The following PLXNB1 variants were observed in gnomAD, a reference collection of about 807,000 sequenced individuals.
PLXNB1 encodes plexin-B1.
Under a neutral mutation model 209.4 loss-of-function variants are expected in PLXNB1, and 106 were observed. The observed-to-expected ratio is 0.51, with a 90% CI of 0.43 to 0.59. PLXNB1 has a LOEUF of 0.59. PLXNB1 is among the 20% of genes least tolerant of loss of function. The probability of loss-of-function intolerance (pLI) is 0.00; values close to 1 mark genes in which losing one functional copy is unlikely to be tolerated. For synonymous variants in PLXNB1, 1,167 were observed against 1,183.2 expected (o/e 0.99, Z 0.28); for missense variants, 2,357 against 2,853.2 (o/e 0.83, Z 3.96).
At chr3:48,427,813 A>C (rs1255774428) in intron 1 of PLXNB1, among the ~76,000 whole-genome samples, 3 of 152,298 alleles carry the variant, frequency 2.0e-5, no homozygotes, top group Non-Finnish European at 2.9e-5. Flanking sequence ...GCTCCTGAGG[A>C]GGCCGCTGCA....
At position 48,418,222 on chromosome 3, in the gene PLXNB1, G is replaced by A; in HGVS notation, c.3191C>T (p.Ala1064Val). 2 of 1,612,130 alleles carry A rather than the reference G, an allele frequency of 1.2e-6. No homozygotes were observed. The highest frequency in any genetic ancestry group is 1.3e-5 in the African/African-American group (1 of 74,992). The change falls in exon 15 of 38, where the codon GCC becomes GTC. Residue 1064 changes from alanine to valine, a missense_variant. Ala to Val is a moderately conservative substitution (Grantham distance 64). Transcript: ENST00000296440. This position sits in a 1 kb window ranked among gnomAD's most constrained non-coding sequence, Gnocchi z 6.6. Reference protein sequence around the residue: ...REACGEAEAVATQCPAPLIHS... With the variant: ...REACGEAEAVVTQCPAPLIHS... ...GATGAGGGGCGCTGGGCACTGGGTG[G>A]CCACAGCCTCAGCCTCACCACAGGC...
rs1371870140 is a variant in PLXNB1, at chr3:48,418,597, G to C, written c.2956-55C>G. 7 of 1,452,196 alleles carry C rather than the reference G, an allele frequency of 4.8e-6. No individual in the cohort carries two copies. The highest frequency in any genetic ancestry group is 6.6e-6 in the Non-Finnish European group (7 of 1,055,814). The allele number at this position is 1,452,196 out of a possible 1,614,324, so 90.0% of individuals were successfully genotyped here. A position where few individuals can be genotyped will look rare whatever the true frequency, so the allele number is the denominator to read the frequency against. On this transcript the variant is annotated intron_variant, in intron 13 of 37. Coordinates refer to ENST00000296440, the MANE Select transcript of PLXNB1 (RefSeq NM_001130082.3). This position sits in a 1 kb window ranked among gnomAD's most constrained non-coding sequence, Gnocchi z 6.6. ...AGCACTGGGGGAAGTGTCAGGCCTG[G>C]GGAGGGGTTAGTCAGAGAAAGGACT...
At chr3:48,412,080 G>T (rs2037719956) in intron 27 of PLXNB1, 71 bp from the exon 28 acceptor site, 1 of 1,560,764 alleles carries the variant, frequency 6.4e-7, no homozygotes, top group African/African-American at 1.4e-5. Flanking sequence ...GCACACTGGG[G>T]AAGGGGACAG....
rs891344342 is a variant in PLXNB1, at chr3:48,415,574, G to A, written c.3794+9C>T. 1.3e-6 allele frequency: 2 copies of A among 1,565,330 alleles called. No homozygotes were observed. The highest frequency in any genetic ancestry group is 1.9e-5 in the Admixed American group (1 of 53,314). The stretch of plus-strand genomic sequence containing the variant: ...CACCTGCCATGCAGCCACACCCCTG[G>A]CCCAACACCTGAGGAAGCTCTTGGT... On this transcript the variant is annotated intron_variant, in intron 19 of 37. Transcript: ENST00000296440. The surrounding 1 kb of genome is among the most constrained non-coding windows in gnomAD (Gnocchi z 5.0).
upstream of PLXNB1, chr3:48,430,139 A>C (rs1251388776): frequency 1.3e-5 from 2 of 152,578 alleles, no homozygotes; most frequent in African/African-American, 4.8e-5. Context: ...CTGTTTGAGA[A>C]GAGCATGGGC....
rs747973804 is a variant in PLXNB1, at chr3:48,404,546, C to T, written c.6348G>A (p.Gln2116=). The change falls in exon 38 of 38, where the codon CAG becomes CAA. Residue 2116 remains glutamine (Q), a synonymous_variant. Coordinates refer to ENST00000296440, the MANE Select transcript of PLXNB1 (RefSeq NM_001130082.3). ...LEEDGTAQKM[Q]LGYRLQQIAA... is the part of the protein sequence containing the mutation. ...CAATCTGCTGGAGCCGATAGCCCAG[C>T]TGCATCTTCTGGGCCGTGCCATCCT... is the stretch of plus-strand genomic sequence containing the variant. The T allele has an allele frequency of 6.2e-7, 1 of 1,613,864 alleles. No individual in the cohort carries two copies. The highest frequency in any genetic ancestry group is 8.5e-7 in the Non-Finnish European group (1 of 1,179,806).
Position 48,423,862 on chromosome 3 carries a change from T to C in PLXNB1, c.750A>G (p.Arg250=), listed in dbSNP as rs748241081. The C allele has an allele frequency of 6.2e-7, 1 of 1,613,666 alleles. No individual in the cohort carries two copies. Among genetic ancestry groups the C allele is most frequent in the Non-Finnish European group, 8.5e-7 (1 of 1,179,946 alleles). Residue 250 remains arginine (R), a synonymous_variant, in exon 3 of 38, where the codon CGA becomes CGG. Coordinates refer to ENST00000296440, the MANE Select transcript of PLXNB1 (RefSeq NM_001130082.3). The part of the protein sequence containing the change: ...QSRAFRAYVS[R]VCLRDQHYYS... ...AGTAGTGCTGGTCCCGGAGACACAC[T>C]CGAGATACATAGGCACGAAAAGCTC...
chr3:48,422,890 G>A lies in PLXNB1; in HGVS notation c.1165C>T (p.Arg389Trp), dbSNP rs34050056. 2.3e-5 allele frequency: 37 copies of A among 1,614,110 alleles called. No individual in the cohort carries two copies. Among genetic ancestry groups the A allele is most frequent in the East Asian group, 8.9e-5 (4 of 44,876 alleles). The change falls in exon 4 of 38, where the codon CGG becomes TGG. Residue 389 changes from arginine to tryptophan, a missense_variant. Physicochemically the swap from Arg to Trp is moderately radical, Grantham distance 101. Transcript: ENST00000296440. Reference sequence around the variant, plus strand: ...ATTGGTGTGGCTTCCAGCGGGACCCGGCTGGCCATGGGGCTGGGCGTGTGG... The same window carrying A: ...ATTGGTGTGGCTTCCAGCGGGACCCAGCTGGCCATGGGGCTGGGCGTGTGG... ...SDHTPSPMAS[R>W]VPLEATPILE...
chr3:48,422,439 G>A lies in PLXNB1; in HGVS notation c.1311C>T (p.Ser437=). The A allele has an allele frequency of 3.1e-6, 5 of 1,592,906 alleles. No individual in the cohort carries two copies. The highest frequency in any genetic ancestry group is 1.7e-5 in the Admixed American group (1 of 57,430). ...TCTGTGTGGAGTATGGGTGGCCATC[G>A]CTCCCTGGGCCCAAGTAGACCTGGG... The part of the protein sequence containing the change: ...QLHRVYLGPG[S]DGHPYSTQSI... Residue 437 remains serine, a synonymous_variant, in exon 5 of 38, where the codon AGC becomes AGT. Transcript: ENST00000296440.
In PLXNB1 at chr3:48,416,388, C is replaced by T. The variant is rs148957255; in HGVS notation, c.3438G>A (p.Pro1146=). The change falls in exon 17 of 38, where the codon CCG becomes CCA. Residue 1146 remains proline (P), a synonymous_variant. Coordinates refer to ENST00000296440, the MANE Select transcript of PLXNB1 (RefSeq NM_001130082.3). The surrounding 1 kb of genome is among the most constrained non-coding windows in gnomAD (Gnocchi z 4.1). Reference sequence around the variant, plus strand: ...GTTCTGAGACACCACGTCCTCTTCCCGGCACCTCCACCGCTGTGGCGCCGG... The same window carrying T: ...GTTCTGAGACACCACGTCCTCTTCCTGGCACCTCCACCGCTGTGGCGCCGG... ...EVAGATAVEV[P]GRGRGVSEHD... The T allele has an allele frequency of 4.1e-5, 66 of 1,613,046 alleles. No homozygotes were observed. The highest frequency in any genetic ancestry group is 3.8e-4 in the East Asian group (17 of 44,888).
chr3:48,421,085 G>A, intron 8 of PLXNB1, 129 bp from the exon 9 acceptor site: 5 of 1,261,382 alleles, frequency 4.0e-6, no homozygotes, highest in South Asian at 2.7e-5. Context: ...GGCACAGAAT[G>A]GAGGCTTCAG....
chr3:48,419,735 C>G lies in PLXNB1; in HGVS notation c.2551G>C (p.Glu851Gln), dbSNP rs770730230. ...WLTREGGELP[E>Q]ADEWTGGDAP... ...TCACCCCCCGTCCACTCGTCCGCCT[C>G]GGGCAGCTCGCCGCCTTCTCTCGTG... The change falls in exon 11 of 38, where the codon GAG (glutamate) becomes CAG (glutamine). Residue 851 changes from glutamate to glutamine, a missense_variant. By Grantham distance (29) the Glu-to-Gln change is conservative. Coordinates refer to ENST00000296440, the MANE Select transcript of PLXNB1 (RefSeq NM_001130082.3). This position sits in a 1 kb window ranked among gnomAD's most constrained non-coding sequence, Gnocchi z 5.7. 2 of 1,610,552 alleles carry G rather than the reference C, an allele frequency of 1.2e-6. No homozygotes were observed. Among genetic ancestry groups the G allele is most frequent in the Admixed American group, 1.7e-5 (1 of 59,704 alleles).
chr3:48,426,804 A>T (rs1338050317), intron 1 of PLXNB1, among the ~76,000 whole-genome samples: 1 of 152,214 alleles, frequency 6.6e-6, no homozygotes, highest in Non-Finnish European at 1.5e-5. Context: ...GGCAGCAGGG[A>T]AAGTCTCGAA....
Position 48,424,165 on chromosome 3 carries a change from C to T in PLXNB1, c.447G>A (p.Ala149=), listed in dbSNP as rs758679075. The change falls in exon 3 of 38, where the codon GCG becomes GCA. Residue 149 remains alanine (A), a synonymous_variant. Transcript: ENST00000296440. ...DTQYVAANDP[A]VSTVGLVAQG... The stretch of plus-strand genomic sequence containing the variant: ...GGGCTACCAGCCCCACCGTGCTGAC[C>T]GCAGGATCATTGGCAGCCACATATT... The T allele has an allele frequency of 2.5e-5, 40 of 1,578,384 alleles. No homozygotes were observed. The highest frequency in any genetic ancestry group is 3.4e-5 in the Non-Finnish European group (39 of 1,161,822).
Position 48,417,593 on chromosome 3 carries a change from G to A in PLXNB1, c.3374+318C>T, listed in dbSNP as rs1560061292. Among the ~76,000 whole-genome samples, 1 of 152,208 alleles carries A rather than the reference G, an allele frequency of 6.6e-6. No individual in the cohort carries two copies. On this transcript the variant is annotated intron_variant, in intron 16 of 37. Coordinates refer to ENST00000296440, the MANE Select transcript of PLXNB1 (RefSeq NM_001130082.3). The surrounding 1 kb of genome is among the most constrained non-coding windows in gnomAD (Gnocchi z 4.4). Reference sequence around the variant, plus strand: ...CCTGAGCTTATCTGTCTGATCTGAGGGTCCTGCTGCCACAGCTATTAATAT... The same window carrying A: ...CCTGAGCTTATCTGTCTGATCTGAGAGTCCTGCTGCCACAGCTATTAATAT...
rs1560064253 is a variant in PLXNB1 at position 48,419,079 on chromosome 3, C to T, written c.2833-40G>A. 1 of 1,608,672 alleles carries T rather than the reference C, an allele frequency of 6.2e-7. No individual in the cohort carries two copies. Among genetic ancestry groups the T allele is most frequent in the Admixed American group, 1.7e-5 (1 of 59,876 alleles). ...CACAGCTGTTGGGCAGCTTCAGGAG[C>T]TGGGCCCAGGGAGTCCTGCAGGTCA... On this transcript the variant is annotated intron_variant, in intron 12 of 37. Coordinates refer to ENST00000296440, the MANE Select transcript of PLXNB1 (RefSeq NM_001130082.3). The surrounding 1 kb of genome is among the most constrained non-coding windows in gnomAD (Gnocchi z 5.7).
Position 48,404,495 on chromosome 3 carries a change from T to G in PLXNB1, c.6399A>C (p.Thr2133=). The change falls in exon 38 of 38, where the codon ACA becomes ACC. Residue 2133 remains threonine (T), a synonymous_variant. Coordinates refer to ENST00000296440, the MANE Select transcript of PLXNB1 (RefSeq NM_001130082.3). ...CGTGGCTCCTGGGTTCCTATAGATC[T>G]GTGACCTTGTTTTCCACAGCAGCTG... ...QIAAAVENKV[T]DL 6.2e-7 allele frequency: 1 copy of G among 1,611,400 alleles called. No individual in the cohort carries two copies. The highest frequency in any genetic ancestry group is 8.5e-7 in the Non-Finnish European group (1 of 1,177,698).
Position 48,417,149 on chromosome 3 carries a change from T to C in PLXNB1, c.3375-698A>G, listed in dbSNP as rs2038153809. Among the ~76,000 whole-genome samples the C allele has an allele frequency of 6.6e-6, 1 of 152,036 alleles. No homozygotes were observed. Among genetic ancestry groups the C allele is most frequent in the Non-Finnish European group, 1.5e-5 (1 of 68,040 alleles). On this transcript the variant is annotated intron_variant, in intron 16 of 37. Transcript: ENST00000296440. The surrounding 1 kb of genome is among the most constrained non-coding windows in gnomAD (Gnocchi z 4.4). ...TCTGGAACACTAACAGTCTAGATAGTCACCGTAAGTTCTCGGTCATAACAC... is the reference window on the plus strand; with the variant it reads ...TCTGGAACACTAACAGTCTAGATAGCCACCGTAAGTTCTCGGTCATAACAC...
In PLXNB1 at chr3:48,416,715, A is replaced by C. The variant is rs950796046; in HGVS notation, c.3375-264T>G. 7.8e-5 allele frequency: 26 copies of C among 333,280 alleles called. No homozygotes were observed. Among genetic ancestry groups the C allele is most frequent in the Non-Finnish European group, 1.1e-4 (21 of 184,630 alleles). The allele number at this position is 333,280 out of a possible 1,614,324, so 20.6% of individuals were successfully genotyped here. ...ATAAGGAAGAATTTATCTGTGGCAT[A>C]AATTTACAAAGGGGCCCTGTCAGCC... is the stretch of plus-strand genomic sequence containing the variant. On this transcript the variant is annotated intron_variant, in intron 16 of 37. Coordinates refer to ENST00000296440, the MANE Select transcript of PLXNB1 (RefSeq NM_001130082.3). The surrounding 1 kb of genome is among the most constrained non-coding windows in gnomAD (Gnocchi z 4.1).
Sources: allele counts gnomAD v4.1 joint callset (sites outside exome capture counted in the v4.1 genomes callset), GRCh38; gene constraint gnomAD v4.1.1; non-coding constraint Gnocchi (gnomAD v3.1); transcripts MANE v1.5; gene names NCBI Gene and HGNC (gene_info 2026-07-23, HGNC 2026-07-21).